Variants in ADGRB3 observed in about 807,000 individuals in gnomAD.
The protein encoded by ADGRB3 is adhesion G protein-coupled receptor B3.
A neutral mutation model predicts 193.4 loss-of-function variants in ADGRB3; 37 were observed. The ratio of observed to expected loss-of-function variants is 0.19; its 90% CI spans 0.15 to 0.25. The LOEUF is 0.25. ADGRB3 is among the 10% of genes least tolerant of loss of function. ADGRB3 has a pLI of 1.00. For synonymous variants in ADGRB3, 690 were observed against 644.2 expected, an observed-to-expected ratio of 1.07 and a Z score of -1.08; for missense variants, 1,637 against 1,852.9, an observed-to-expected ratio of 0.88 and a Z score of 2.14.
chr6:69,008,960 T>A (rs1582390589), intron 11 of ADGRB3, among the ~76,000 whole-genome samples: 2 of 152,008 alleles, frequency 1.3e-5, no homozygotes, highest in East Asian at 3.9e-4. Flanking sequence ...AAATCATCAC[T>A]GGAAGAGGAG....
intron 31 of ADGRB3, among the ~76,000 whole-genome samples, chr6:69,385,140 T>C (rs1230100599): frequency 6.6e-6 from 1 of 151,988 alleles, no homozygotes; most frequent in African/African-American, 2.4e-5. Flanking sequence ...GGCACTGATA[T>C]CCAGAGAAGA....
At chr6:68,918,196 T>C (rs1766935172) in intron 3 of ADGRB3, among the ~76,000 whole-genome samples, 2 of 152,146 alleles carry the variant, frequency 1.3e-5, no homozygotes, top group Admixed American at 1.3e-4. Context: ...AATTGGATAA[T>C]TAGTGCTAAT....
chr6:68,985,649 C>T (rs2150271039), intron 10 of ADGRB3, among the ~76,000 whole-genome samples: 1 of 152,140 alleles, frequency 6.6e-6, no homozygotes, highest in African/African-American at 2.4e-5. Context: ...CATCTCAAGC[C>T]CTTGAAGGAC....
At chr6:69,296,343 A>G (rs1174182668) in intron 20 of ADGRB3, among the ~76,000 whole-genome samples, 2 of 152,090 alleles carry the variant, frequency 1.3e-5, no homozygotes, top group Admixed American at 1.3e-4. Context: ...TACAAACGAG[A>G]GGCTCAGCCA....
chr6:68,908,468 T>C (rs768404380), intron 3 of ADGRB3, among the ~76,000 whole-genome samples: 1 of 152,102 alleles, frequency 6.6e-6, no homozygotes, highest in African/African-American at 2.4e-5. Context: ...TTCAAACTTC[T>C]TGTTTTCTCT....
At chr6:68,851,556 A>G (rs985494102) in intron 3 of ADGRB3, among the ~76,000 whole-genome samples, 2 of 152,024 alleles carry the variant, frequency 1.3e-5, no homozygotes, top group Non-Finnish European at 1.5e-5. Flanking sequence ...TGCATAAACT[A>G]TGGCATTTAG....
At chr6:68,651,243 T>A (rs1768358855) in intron 3 of ADGRB3, among the ~76,000 whole-genome samples, 1 of 152,188 alleles carries the variant, frequency 6.6e-6, no homozygotes, top group South Asian at 2.1e-4. Flanking sequence ...GCTTGAGAAA[T>A]TAGCCAATTG....
chr6:68,814,491 T>A (rs1767586057), intron 3 of ADGRB3, among the ~76,000 whole-genome samples: 1 of 152,220 alleles, frequency 6.6e-6, no homozygotes, highest in Non-Finnish European at 1.5e-5. Context: ...TCTCCCATTC[T>A]GTAGGTTGCC....
intron 3 of ADGRB3, among the ~76,000 whole-genome samples, chr6:68,856,339 G>A (rs1322364409): frequency 1.3e-5 from 2 of 152,188 alleles, no homozygotes; most frequent in African/African-American, 4.8e-5. Flanking sequence ...ACAGTTGGGA[G>A]GACTCAGAAA....
intron 17 of ADGRB3, among the ~76,000 whole-genome samples, chr6:69,122,375 G>C (rs1773731343): frequency 6.7e-6 from 1 of 149,694 alleles, no homozygotes; most frequent in South Asian, 2.1e-4. Context: ...CGGGAGCCCG[G>C]GGCAGGGAGG....
chr6:68,822,254 T>C (rs1767761276), intron 3 of ADGRB3, among the ~76,000 whole-genome samples: 1 of 151,914 alleles, frequency 6.6e-6, no homozygotes, highest in African/African-American at 2.4e-5. Context: ...ATGTAGGCAA[T>C]CCCATAACTC....
chr6:68,945,416 C>A (rs184914698), intron 6 of ADGRB3, among the ~76,000 whole-genome samples: 8 of 152,146 alleles, frequency 5.3e-5, no homozygotes, highest in Middle Eastern at 3.4e-3. Flanking sequence ...TGTCTTATTT[C>A]TCTCTCTATA....
intron 8 of ADGRB3, among the ~76,000 whole-genome samples, chr6:68,969,763 C>G (rs990625316): frequency 6.6e-6 from 1 of 152,212 alleles, no homozygotes. Flanking sequence ...TTTTTCTCAT[C>G]TTTAGTCTAA....
chr6:69,298,886 G>A (rs1250040272), intron 20 of ADGRB3, among the ~76,000 whole-genome samples: 2 of 151,950 alleles, frequency 1.3e-5, no homozygotes, highest in South Asian at 2.1e-4. Flanking sequence ...CCTTTCTTTT[G>A]AATATACACC....
intron 17 of ADGRB3, among the ~76,000 whole-genome samples, chr6:69,084,307 G>C (rs2150315374): frequency 6.6e-6 from 1 of 152,256 alleles, no homozygotes; most frequent in South Asian, 2.1e-4. Context: ...TCTGGCCAAA[G>C]AGATCTTTAT....
chr6:68,747,175 A>G (rs950373310), intron 3 of ADGRB3, among the ~76,000 whole-genome samples: 4 of 152,180 alleles, frequency 2.6e-5, no homozygotes, highest in African/African-American at 4.8e-5. Flanking sequence ...ATATAAAAAT[A>G]TTTCCCCTGA....
At chr6:68,903,120 C>A (rs544595682) in intron 3 of ADGRB3, among the ~76,000 whole-genome samples, 6 of 152,198 alleles carry the variant, frequency 3.9e-5, no homozygotes, top group African/African-American at 1.4e-4. Context: ...TCACTAGCAG[C>A]AAGCATGCTG....
At chr6:69,330,607 G>GT in intron 23 of ADGRB3, 35 bp downstream of exon 23, 1 of 1,500,242 alleles carries the variant, frequency 6.7e-7, no homozygotes, top group Non-Finnish European at 8.9e-7. Context: ...TGTTTTCTTA[G>GT]GAAAAAAAAA....
chr6:69,330,706 T>C (rs1768701782), intron 23 of ADGRB3, 134 bp downstream of exon 23: 4 of 540,804 alleles, frequency 7.4e-6, no homozygotes, highest in South Asian at 4.8e-5. Flanking sequence ...ATTATTCTAA[T>C]TGAATATAAA....
Sources: allele counts gnomAD v4.1 joint callset (sites outside exome capture counted in the v4.1 genomes callset), GRCh38; gene constraint gnomAD v4.1.1; transcripts MANE v1.5; gene names NCBI Gene and HGNC (gene_info 2026-07-23, HGNC 2026-07-21).